Variants in ANAPC2 observed in about 807,000 individuals in gnomAD.
ANAPC2 encodes anaphase-promoting complex subunit 2.
A neutral mutation model predicts 84.3 loss-of-function variants in ANAPC2; 29 were observed. That is an observed-to-expected ratio of 0.34 (90% CI 0.26 to 0.47). The LOEUF is 0.47. ANAPC2 is among the 20% of genes least tolerant of loss of function. ANAPC2 has a pLI of 1.00. For missense variants in ANAPC2, 857 were observed against 1,131.7 expected (o/e 0.76, Z 3.48); for synonymous variants, 571 against 479.4 (o/e 1.19, Z -2.50).
rs1239119528 is a variant in ANAPC2, at chr9:137,180,530, G to A, written c.1611-3C>T. ...GCAGCTCCACGTTGCGGATCTCCCT[G>A]GAAAGACGAGTGTCTGGGCAGGGGG... On this transcript the variant is annotated splice_polypyrimidine_tract_variant and splice_region_variant and intron_variant, in intron 8 of 12. Coordinates refer to ENST00000323927, the MANE Select transcript of ANAPC2 (RefSeq NM_013366.4). 2.5e-6 allele frequency: 4 copies of A among 1,612,994 alleles called. No homozygotes were observed. Among genetic ancestry groups the A allele is most frequent in the Non-Finnish European group, 3.4e-6 (4 of 1,179,912 alleles).
rs183052771 is a variant in ANAPC2 at position 137,184,451 on chromosome 9, A to C, written c.1048+462T>G. 1.8e-3 allele frequency among the ~76,000 whole-genome samples: 235 copies of C among 132,312 alleles called. 5 individuals are homozygous for C. The East Asian group carries it at 0.029, about 17-fold the overall frequency. 86.8% of individuals were successfully genotyped at this position (132,312 alleles called of 152,430 possible). ...GACACAGAGCAGACACGGTGAAGGC[A>C]CAGGGAGCCCAAGACGCAGACACAG... On this transcript the variant is annotated intron_variant, in intron 4 of 12. Transcript: ENST00000323927.
chr9:137,182,283 C>A (rs73571576), intron 6 of ANAPC2, among the ~76,000 whole-genome samples: 2,018 of 152,280 alleles, frequency 0.013, 45 homozygotes, highest in African/African-American at 0.041. Context: ...GAGGCCGAGG[C>A]AGGCGGATCA....
chr9:137,182,156 G>A (rs1209236755), intron 6 of ANAPC2, among the ~76,000 whole-genome samples: 2 of 152,176 alleles, frequency 1.3e-5, no homozygotes, highest in Non-Finnish European at 2.9e-5. Context: ...AGGCTGCAGG[G>A]AGACAGGATT....
chr9:137,186,452 C>A, intron 2 of ANAPC2, 96 bp from the exon 3 acceptor site: 1 of 1,443,872 alleles, frequency 6.9e-7, no homozygotes, highest in Non-Finnish European at 9.3e-7. Context: ...CTGTAGAGTG[C>A]ATGCAGCACA....
In ANAPC2 at chr9:137,187,497, G is replaced by A. The variant is rs1183782212; in HGVS notation, c.724C>T (p.Gln242Ter). Residue 242 changes from glutamine to a stop codon, truncating the protein, a stop_gained, in exon 2 of 13, where the codon CAG (glutamine) becomes TAG (stop). Transcript: ENST00000323927. LOFTEE classifies it high-confidence loss of function. The stretch of plus-strand genomic sequence containing the variant: ...ACTACTCACAAGACCTGGCTGAGCT[G>A]ATGGAACTGCTCCAGAGCCTGGCGA... ...WCRQALEQFH[Q>*]LSQVLHRLSL... 1 of 1,607,574 alleles carries A rather than the reference G, an allele frequency of 6.2e-7. No homozygotes were observed. The highest frequency in any genetic ancestry group is 8.5e-7 in the Non-Finnish European group (1 of 1,174,980).
intron 10 of ANAPC2, 51 bp from the exon 11 acceptor site, chr9:137,175,888 C>G (rs1002983612): frequency 6.5e-7 from 1 of 1,536,114 alleles, no homozygotes; most frequent in South Asian, 1.2e-5. Context: ...GGCGCTCAGG[C>G]CCGTGGGCTC....
chr9:137,181,856 C>T lies in ANAPC2; in HGVS notation c.1293G>A (p.Arg431=). ...CCACAATCTGCCGCACTGTGTCCTCCCGCGTCCTGCCGATGTGAGTGCTGC... is the reference window on the plus strand; with the variant it reads ...CCACAATCTGCCGCACTGTGTCCTCTCGCGTCCTGCCGATGTGAGTGCTGC... ...CEPIRRYLRT[R]EDTVRQIVAG... Residue 431 remains arginine (R), a synonymous_variant, in exon 7 of 13, where the codon CGG becomes CGA. Coordinates refer to ENST00000323927, the MANE Select transcript of ANAPC2 (RefSeq NM_013366.4). 6.2e-7 allele frequency: 1 copy of T among 1,602,866 alleles called. No individual in the cohort carries two copies.
In ANAPC2 at chr9:137,174,987, G is replaced by C; in HGVS notation, c.2424C>G (p.Leu808=). ...YLQKKVRDQQ[L]VYSAGVYRLP... ...GGCGGTAGACGCCGGCCGAGTAGAC[G>C]AGCTGCTGGTCCCGCACCTTCTTCT... Residue 808 remains leucine, a synonymous_variant, in exon 13 of 13, where the codon CTC becomes CTG. Transcript: ENST00000323927. The surrounding 1 kb of genome is among the most constrained non-coding windows in gnomAD (Gnocchi z 6.1). 1.9e-6 allele frequency: 3 copies of C among 1,600,834 alleles called. No individual in the cohort carries two copies. The highest frequency in any genetic ancestry group is 2.6e-6 in the Non-Finnish European group (3 of 1,174,620).
At chr9:137,182,439 G>A (rs1013693092) in intron 6 of ANAPC2, among the ~76,000 whole-genome samples, 1 of 152,008 alleles carries the variant, frequency 6.6e-6, no homozygotes, top group African/African-American at 2.4e-5. Context: ...AACCCGGGAG[G>A]CGGAGCTTGC....
In ANAPC2 at chr9:137,175,457, T is replaced by C. The variant is rs1281944770; in HGVS notation, c.2036A>G (p.Glu679Gly). ...YFQDQASWTL[E>G]ELSKAVKMPV... ...CATCTTCACCGCCTTGCTCAGTTCC[T>C]CCAGGGTCCAGCTGGCTGCGTGCAG... Residue 679 changes from glutamate to glycine, a missense_variant, in exon 12 of 13, where the codon GAG becomes GGG. Around this residue, in one of 3 missense-constraint regions of ANAPC2, gnomAD observed 425 missense variants for 595.5 expected, o/e 0.71. Transcript: ENST00000323927. The C allele has an allele frequency of 3.8e-6, 6 of 1,580,796 alleles. No individual in the cohort carries two copies. Among genetic ancestry groups the C allele is most frequent in the Non-Finnish European group, 4.3e-6 (5 of 1,165,000 alleles).
chr9:137,181,776 T>C lies in ANAPC2; in HGVS notation c.1373A>G (p.Lys458Arg), dbSNP rs748770186. 4.3e-6 allele frequency: 7 copies of C among 1,610,920 alleles called. No individual in the cohort carries two copies. Among genetic ancestry groups the C allele is most frequent in the Non-Finnish European group, 5.9e-6 (7 of 1,179,984 alleles). ...GTGDLAVELSKTDPASLETGQ... is the reference protein window; with the variant it reads ...GTGDLAVELSRTDPASLETGQ... ...TGTCTCCAGGCTCGCCGGGTCGGTC[T>C]TGGACAGCTCAACAGCCAGGTCCCC... is the stretch of plus-strand genomic sequence containing the variant. The change falls in exon 7 of 13, where the codon AAG becomes AGG. Residue 458 changes from lysine (K) to arginine (R), a missense_variant. By Grantham distance (26) the Lys-to-Arg change is conservative. Transcript: ENST00000323927.
intron 10 of ANAPC2, among the ~76,000 whole-genome samples, chr9:137,179,175 C>T (rs1025274431): frequency 2.0e-5 from 3 of 152,266 alleles, no homozygotes; most frequent in South Asian, 2.1e-4. Flanking sequence ...TTGGGGTCTG[C>T]AGACTGGATG....
chr9:137,179,375 G>A (rs73571567), intron 10 of ANAPC2, among the ~76,000 whole-genome samples: 2,224 of 151,980 alleles, frequency 0.015, 54 homozygotes, highest in African/African-American at 0.046. Flanking sequence ...CACCTGTGAC[G>A]ACCATCCTAA....
rs971779521 is a variant in ANAPC2, at chr9:137,186,181, C to A, written c.873+43G>T. The A allele has an allele frequency of 7.5e-6, 12 of 1,601,396 alleles. No individual in the cohort carries two copies. In the Admixed American group the frequency reaches 1.7e-4, roughly 22 times the overall value. On this transcript the variant is annotated intron_variant, in intron 3 of 12. Coordinates refer to ENST00000323927, the MANE Select transcript of ANAPC2 (RefSeq NM_013366.4). ...GTGTCAGGTTTGCCAGAAACCTACT[C>A]CCCTGTCTCCAGCGGGGCACAGCCC... is the stretch of plus-strand genomic sequence containing the variant.
Position 137,180,789 on chromosome 9 carries a change from G to A in ANAPC2, c.1609C>T (p.Arg537Trp), listed in dbSNP as rs1489107893. 3.7e-6 allele frequency: 6 copies of A among 1,610,432 alleles called. No individual in the cohort carries two copies. Among genetic ancestry groups the A allele is most frequent in the Non-Finnish European group, 5.1e-6 (6 of 1,179,608 alleles). Residue 537 changes from arginine to tryptophan, a missense_variant and splice_region_variant, in exon 8 of 13, where the codon CGG becomes TGG. Arg to Trp is a moderately radical substitution (Grantham distance 101). This residue lies in a region of ANAPC2 where 425 missense variants were observed against 595.5 expected (regional missense o/e 0.71). Coordinates refer to ENST00000323927, the MANE Select transcript of ANAPC2 (RefSeq NM_013366.4). ...TGGCCAGCGCGTCACAGGCCTCACC[G>A]CTCGGGGCTGAAGCTGAACTGGTGC... is the stretch of plus-strand genomic sequence containing the variant. ...LLHQFSFSPE[R>W]EIRNVELLKL... is the part of the protein sequence containing the mutation.
Position 137,185,036 on chromosome 9 carries a change from G to A in ANAPC2, c.925C>T (p.Pro309Ser), listed in dbSNP as rs1218332724. ...WLGKVFLQDG[P>S]ARPASPEAGN... ...GCCTCGGGAGATGCGGGCCTGGCGG[G>A]GCCGTCCTGCAGGAACACCTTGCCG... The change falls in exon 4 of 13, where the codon CCC becomes TCC. Residue 309 changes from proline to serine, a missense_variant. Physicochemically the swap from Pro to Ser is moderately conservative, Grantham distance 74. Around this residue, in one of 3 missense-constraint regions of ANAPC2, gnomAD observed 428 missense variants for 513.8 expected, o/e 0.83. Transcript: ENST00000323927. 9 of 1,582,022 alleles carry A rather than the reference G, an allele frequency of 5.7e-6. No individual in the cohort carries two copies. The East Asian group carries it at 1.6e-4, about 28-fold the overall frequency.
chr9:137,186,317 A>G lies in ANAPC2; in HGVS notation c.780T>C (p.Ala260=), dbSNP rs61758864. The G allele has an allele frequency of 1.8e-3, 2,943 of 1,611,160 alleles. 44 individuals carry two copies. In the East Asian group the frequency reaches 0.036, roughly 20 times the overall value. Reference sequence around the variant, plus strand: ...TCACCTGGTGCAGGGTGGTGGTCACAGCCTCGGCACTGACCCGCTCCAGCA... The same window carrying G: ...TCACCTGGTGCAGGGTGGTGGTCACGGCCTCGGCACTGACCCGCTCCAGCA... ...LSLLERVSAE[A]VTTTLHQVTR... Residue 260 remains alanine (A), a synonymous_variant, in exon 3 of 13, where the codon GCT becomes GCC. Coordinates refer to ENST00000323927, the MANE Select transcript of ANAPC2 (RefSeq NM_013366.4).
intron 10 of ANAPC2, among the ~76,000 whole-genome samples, chr9:137,177,594 A>G (rs901798250): frequency 1.3e-5 from 2 of 152,064 alleles, no homozygotes; most frequent in African/African-American, 4.8e-5. Context: ...CTTGGAGTTG[A>G]TGCTGAAATG....
intron 7 of ANAPC2, among the ~76,000 whole-genome samples, chr9:137,181,345 A>G (rs901922317): frequency 6.6e-6 from 1 of 152,178 alleles, no homozygotes; most frequent in Non-Finnish European, 1.5e-5. Flanking sequence ...CGGGACTTTG[A>G]GGCCCAAATC....
Sources: allele counts gnomAD v4.1 joint callset (sites outside exome capture counted in the v4.1 genomes callset), GRCh38; gene constraint gnomAD v4.1.1; regional missense constraint gnomAD v4.1.1; non-coding constraint Gnocchi (gnomAD v3.1); transcripts MANE v1.5; gene names NCBI Gene and HGNC (gene_info 2026-07-23, HGNC 2026-07-21).